The following CCDC60 variants were observed in gnomAD, a reference collection of about 807,000 sequenced individuals.
The protein encoded by CCDC60 is coiled-coil domain-containing protein 60.
A neutral mutation model predicts 63.5 loss-of-function variants in CCDC60; 54 were observed. That is an observed-to-expected ratio of 0.85 (90% CI 0.68 to 1.07). The LOEUF (loss-of-function observed/expected upper bound fraction) is 1.07, where lower values mean the gene tolerates loss of function less well. CCDC60 is among the 50% of genes least tolerant of loss of function. The pLI is 0.00. For synonymous variants in CCDC60, 206 were observed against 238.8 expected (o/e 0.86, Z 1.27); for missense variants, 651 against 684.3 (o/e 0.95, Z 0.54).
chr12:119,360,581 G>C (rs942733164), intron 1 of CCDC60, among the ~76,000 whole-genome samples: 1 of 151,450 alleles, frequency 6.6e-6, no homozygotes, highest in African/African-American at 2.4e-5. Context: ...ACGGGGTGGC[G>C]GCCGGGCAGA....
intron 2 of CCDC60, among the ~76,000 whole-genome samples, chr12:119,448,976 G>C (rs959174889): frequency 4.6e-5 from 7 of 151,838 alleles, no homozygotes; most frequent in Non-Finnish European, 1.0e-4. Flanking sequence ...TAACCACATA[G>C]AAGTCAGGCG....
chr12:119,338,195 G>C (rs1346449523), intron 1 of CCDC60, among the ~76,000 whole-genome samples: 1 of 152,106 alleles, frequency 6.6e-6, no homozygotes. Flanking sequence ...CAAGGTTTTA[G>C]AGTTATAGTA....
At chr12:119,450,450 G>A (rs1263630517) in intron 2 of CCDC60, among the ~76,000 whole-genome samples, 1 of 152,166 alleles carries the variant, frequency 6.6e-6, no homozygotes, top group African/African-American at 2.4e-5. Context: ...ATGAGTAGAA[G>A]TTTGCCAGGT....
chr12:119,442,172 C>A (rs12315797), intron 2 of CCDC60, among the ~76,000 whole-genome samples: 31,374 of 152,052 alleles, frequency 0.21, 3,363 homozygotes, highest in Admixed American at 0.27. Flanking sequence ...AGAAAAAAAA[C>A]ATTCCGTATA....
chr12:119,345,051 C>A (rs1033376193), intron 1 of CCDC60, among the ~76,000 whole-genome samples: 2 of 152,162 alleles, frequency 1.3e-5, no homozygotes, highest in Non-Finnish European at 2.9e-5. Context: ...GTAAGCTCCT[C>A]CAGAGCAAGA....
chr12:119,407,755 C>A (rs1470871755), intron 1 of CCDC60, among the ~76,000 whole-genome samples: 1 of 151,956 alleles, frequency 6.6e-6, no homozygotes, highest in Non-Finnish European at 1.5e-5. Flanking sequence ...TTTTTTTTAA[C>A]CCATAAAATG....
chr12:119,439,007 A>G (rs1368122463), intron 2 of CCDC60, among the ~76,000 whole-genome samples: 2 of 152,100 alleles, frequency 1.3e-5, no homozygotes, highest in Admixed American at 1.3e-4. Flanking sequence ...TCTTTAATTA[A>G]CTAGAGGACA....
chr12:119,383,809 A>G (rs1008025021), intron 1 of CCDC60, among the ~76,000 whole-genome samples: 7 of 152,222 alleles, frequency 4.6e-5, no homozygotes, highest in Admixed American at 1.3e-4. Context: ...TCAAGAGGGC[A>G]TGTTCATGAG....
Position 119,382,399 on chromosome 12 carries a change from T to G in CCDC60, c.91-46284T>G, listed in dbSNP as rs1344466432. 3.3e-5 allele frequency among the ~76,000 whole-genome samples: 5 copies of G among 152,332 alleles called. No homozygotes were observed. The East Asian group carries it at 7.7e-4, about 24-fold the overall frequency. On this transcript the variant is annotated intron_variant, in intron 1 of 13. Coordinates refer to ENST00000327554, the MANE Select transcript of CCDC60 (RefSeq NM_178499.5). The stretch of plus-strand genomic sequence containing the variant: ...CGATGAGCACCATTTCTGCCCTCTG[T>G]CTTCATCCCAATAAGTCCTGACACA...
chr12:119,384,585 A>G (rs1956041123), intron 1 of CCDC60, among the ~76,000 whole-genome samples: 1 of 152,208 alleles, frequency 6.6e-6, no homozygotes, highest in Non-Finnish European at 1.5e-5. Context: ...CAGACCTGCC[A>G]TTCCCTGCGA....
At chr12:119,418,149 A>G (rs916484408) in intron 1 of CCDC60, among the ~76,000 whole-genome samples, 6 of 151,996 alleles carry the variant, frequency 3.9e-5, no homozygotes, top group African/African-American at 1.2e-4. Flanking sequence ...ATATGTATGT[A>G]TGTATGCATA....
intron 7 of CCDC60, among the ~76,000 whole-genome samples, chr12:119,514,717 T>C (rs961831475): frequency 1.3e-5 from 2 of 152,170 alleles, no homozygotes; most frequent in African/African-American, 4.8e-5. Context: ...AAAAATATTT[T>C]TAGTAAATTT....
At chr12:119,517,770 C>T (rs1952392808) in intron 8 of CCDC60, among the ~76,000 whole-genome samples, 1 of 152,126 alleles carries the variant, frequency 6.6e-6, no homozygotes, top group South Asian at 2.1e-4. Context: ...TTCAAGCCAG[C>T]AACCGATATG....
chr12:119,498,214 T>C (rs1951757956), intron 5 of CCDC60, among the ~76,000 whole-genome samples: 1 of 152,124 alleles, frequency 6.6e-6, no homozygotes, highest in Non-Finnish European at 1.5e-5. Context: ...TTGATCACCT[T>C]TTGCCTTCTA....
At chr12:119,521,340 C>A (rs1450394268) in intron 9 of CCDC60, among the ~76,000 whole-genome samples, 1 of 152,120 alleles carries the variant, frequency 6.6e-6, no homozygotes, top group African/African-American at 2.4e-5. Context: ...TACCCATGCT[C>A]AAGAATTGCT....
chr12:119,415,980 T>C (rs940009355), intron 1 of CCDC60, among the ~76,000 whole-genome samples: 3 of 152,180 alleles, frequency 2.0e-5, no homozygotes, highest in African/African-American at 7.2e-5. Flanking sequence ...GCTCTCCCAC[T>C]TCCTGTCTCT....
chr12:119,353,619 T>G (rs1955684248), intron 1 of CCDC60, among the ~76,000 whole-genome samples: 2 of 140,862 alleles, frequency 1.4e-5, no homozygotes, highest in African/African-American at 2.6e-5. Flanking sequence ...TTTTTTTTTT[T>G]TTTTTGAGAT....
At chr12:119,362,130 A>C (rs1289849214) in intron 1 of CCDC60, among the ~76,000 whole-genome samples, 1 of 152,182 alleles carries the variant, frequency 6.6e-6, no homozygotes, top group Non-Finnish European at 1.5e-5. Flanking sequence ...AGCTGTGTCT[A>C]TATCTATCTA....
chr12:119,413,367 C>T lies in CCDC60; in HGVS notation c.91-15316C>T, dbSNP rs554450716. Among the ~76,000 whole-genome samples the T allele has an allele frequency of 2.6e-5, 4 of 152,270 alleles. No individual in the cohort carries two copies. The South Asian group carries it at 6.2e-4, about 24-fold the overall frequency. On this transcript the variant is annotated intron_variant, in intron 1 of 13. Transcript: ENST00000327554. ...TGAAAGCTATGGCATCTAGCGCCAC[C>T]TACTGTTATATCGCTGCATCGCTAC...
Sources: gnomAD v4.1 joint callset for allele counts (sites outside exome capture counted in the v4.1 genomes callset) on GRCh38, gnomAD v4.1.1 for gene constraint, MANE v1.5 for transcripts, NCBI Gene and HGNC (gene_info 2026-07-23, HGNC 2026-07-21) for gene names.